TTC7A: variants seen among roughly 807,000 people sequenced by gnomAD.
TTC7A encodes tetratricopeptide repeat protein 7A.
In TTC7A, 110 loss-of-function variants were observed where a neutral mutation model predicts 103.7. That is an observed-to-expected ratio of 1.06 (90% CI 0.91 to 1.24). The LOEUF (loss-of-function observed/expected upper bound fraction) is 1.24, where lower values mean the gene tolerates loss of function less well. Ranked by LOEUF, TTC7A falls within the 50% of genes most tolerant of loss-of-function variation. The pLI is 0.00. For synonymous variants in TTC7A, 521 were observed against 467.9 expected (o/e 1.11, Z -1.47); for missense variants, 1,340 against 1,116.3 (o/e 1.20, Z -2.86).
chr2:46,973,070 A>G (rs369364894), intron 3 of TTC7A, among the ~76,000 whole-genome samples: 120 of 123,972 alleles, frequency 9.7e-4, no homozygotes, highest in African/African-American at 2.8e-3. Flanking sequence ...TGGGCTCACA[A>G]CTGTATGCTT....
At chr2:47,005,841 C>T (rs1572883378) in intron 8 of TTC7A, 81 bp from the exon 9 acceptor site, 1 of 1,532,888 alleles carries the variant, frequency 6.5e-7, no homozygotes. Context: ...GCGGCTGGGC[C>T]AGCAAGGTGG....
At chr2:46,954,019 A>G (rs1460663260) in intron 2 of TTC7A, among the ~76,000 whole-genome samples, 5 of 152,118 alleles carry the variant, frequency 3.3e-5, no homozygotes, top group Non-Finnish European at 4.4e-5. Context: ...TTTAGTGTCT[A>G]CAGCCCATGC....
intron 18 of TTC7A, among the ~76,000 whole-genome samples, chr2:47,056,474 A>G (rs113753947): frequency 8.5e-5 from 13 of 152,294 alleles, no homozygotes; most frequent in African/African-American, 3.1e-4. Flanking sequence ...CCTGCTCATT[A>G]GCACAGGGCC....
intron 5 of TTC7A, among the ~76,000 whole-genome samples, chr2:46,979,801 C>T (rs1329260476): frequency 1.3e-5 from 2 of 152,224 alleles, no homozygotes; most frequent in Non-Finnish European, 2.9e-5. Context: ...GTCTCTGCAG[C>T]AGAGGCTTTG....
At chr2:46,979,596 GGTGGCTGGTGTTAGGCCGGGA>G (rs1468672661) in intron 5 of TTC7A, among the ~76,000 whole-genome samples, 1 of 152,180 alleles carries the variant, frequency 6.6e-6, no homozygotes, top group African/African-American at 2.4e-5. Flanking sequence ...TAGTCGAGGG[GGTGGCTGGTGTTAGGCCGGGA>G]GTGGTTGTTT....
chr2:46,944,963 G>A (rs1670806422), intron 1 of TTC7A, among the ~76,000 whole-genome samples: 1 of 152,166 alleles, frequency 6.6e-6, no homozygotes, highest in African/African-American at 2.4e-5. Context: ...AACTGCATTT[G>A]ATTGTTAGGT....
At chr2:46,955,790 G>C (rs1166806313) in intron 2 of TTC7A, among the ~76,000 whole-genome samples, 4 of 152,194 alleles carry the variant, frequency 2.6e-5, no homozygotes, top group African/African-American at 9.6e-5. Context: ...AGGGAGACAG[G>C]GGTAGCACCT....
At chr2:47,025,310 A>G (rs1228051318) in intron 14 of TTC7A, among the ~76,000 whole-genome samples, 1 of 152,130 alleles carries the variant, frequency 6.6e-6, no homozygotes, top group Non-Finnish European at 1.5e-5. Context: ...ACCGGAGGAC[A>G]CCACTGAGGC....
At chr2:47,025,626 G>C (rs1679818568) in intron 14 of TTC7A, among the ~76,000 whole-genome samples, 1 of 152,162 alleles carries the variant, frequency 6.6e-6, no homozygotes, top group Non-Finnish European at 1.5e-5. Flanking sequence ...TTGTCACTCT[G>C]TTTCTGAGGC....
At chr2:46,990,401 G>A (rs1438202779) in intron 5 of TTC7A, among the ~76,000 whole-genome samples, 1 of 152,168 alleles carries the variant, frequency 6.6e-6, no homozygotes, top group Non-Finnish European at 1.5e-5. Flanking sequence ...TATCTACCAG[G>A]AATCCTGTTC....
chr2:47,016,602 G>T (rs73929353), intron 11 of TTC7A, among the ~76,000 whole-genome samples: 3,402 of 152,292 alleles, frequency 0.022, 146 homozygotes, highest in African/African-American at 0.078. Flanking sequence ...CTGGGAGAAG[G>T]AAGGTTGAAG....
chr2:47,042,449 C>G (rs938359242), intron 15 of TTC7A, among the ~76,000 whole-genome samples: 2 of 152,062 alleles, frequency 1.3e-5, no homozygotes, highest in African/African-American at 4.8e-5. Context: ...CTGCAATGAG[C>G]TATGATCACG....
chr2:46,947,787 A>G (rs990281282), intron 1 of TTC7A, among the ~76,000 whole-genome samples: 1 of 152,244 alleles, frequency 6.6e-6, no homozygotes, highest in African/African-American at 2.4e-5. Flanking sequence ...GAAAAATAAA[A>G]GAAAAATACA....
In TTC7A at chr2:47,007,974, G is replaced by A. The variant is rs1677601938; in HGVS notation, c.1287+1250G>A. On this transcript the variant is annotated intron_variant, in intron 10 of 19. Coordinates refer to ENST00000319190, the MANE Select transcript of TTC7A (RefSeq NM_020458.4). The surrounding 1 kb of genome is among the most constrained non-coding windows in gnomAD (Gnocchi z 4.9). ...CTCCTACAGAACTGCAGGCAAAGGA[G>A]ACAATGTGGGCAACGGTGAAGGGGC... Among the ~76,000 whole-genome samples the A allele has an allele frequency of 6.6e-6, 1 of 152,204 alleles. No homozygotes were observed. The highest frequency in any genetic ancestry group is 6.5e-5 in the Admixed American group (1 of 15,278).
chr2:46,984,629 A>C (rs1223196991), intron 5 of TTC7A, among the ~76,000 whole-genome samples: 2 of 152,182 alleles, frequency 1.3e-5, no homozygotes, highest in Admixed American at 6.5e-5. Context: ...TGTGAACATC[A>C]AGGACAGCCA....
chr2:46,947,173 C>G (rs1411316367), intron 1 of TTC7A, among the ~76,000 whole-genome samples: 1 of 152,174 alleles, frequency 6.6e-6, no homozygotes, highest in African/African-American at 2.4e-5. Flanking sequence ...GCAGGAGAGA[C>G]AGGGTGTTTT....
chr2:46,941,697 G>A lies in TTC7A; in HGVS notation c.156G>A (p.Pro52=), dbSNP rs1269506821. The A allele has an allele frequency of 2.6e-6, 4 of 1,550,872 alleles. No homozygotes were observed. The highest frequency in any genetic ancestry group is 2.7e-5 in the African/African-American group (2 of 73,252). Residue 52 remains proline (P), a synonymous_variant, in exon 1 of 20, where the codon CCG becomes CCA. Coordinates refer to ENST00000319190, the MANE Select transcript of TTC7A (RefSeq NM_020458.4). The surrounding 1 kb of genome is among the most constrained non-coding windows in gnomAD (Gnocchi z 4.2). ...PGGGGNRRGS[P]SAAFTFPDTD... ...GCGGAGGTAACAGGCGAGGCAGCCC[G>A]AGCGCAGCGTTCACCTTTCCGGACA... is the stretch of plus-strand genomic sequence containing the variant.
chr2:47,054,250 C>T (rs905326439), intron 18 of TTC7A: 24 of 781,790 alleles, frequency 3.1e-5, no homozygotes, highest in African/African-American at 5.6e-5. Flanking sequence ...ATTTCTTTCT[C>T]ATGTAACAGT....
chr2:46,934,947 C>T (rs534017999), intron 2 of TTC7A, among the ~76,000 whole-genome samples: 8 of 151,868 alleles, frequency 5.3e-5, no homozygotes, highest in East Asian at 1.9e-4. Context: ...ACTACAGGCG[C>T]GCACCACCAC....
Sources: gnomAD v4.1 joint callset for allele counts (sites outside exome capture counted in the v4.1 genomes callset) on GRCh38, gnomAD v4.1.1 for gene constraint, Gnocchi (gnomAD v3.1) non-coding constraint, MANE v1.5 for transcripts, NCBI Gene and HGNC (gene_info 2026-07-23, HGNC 2026-07-21) for gene names.